The following PRPS2 variants were observed in gnomAD, a reference collection of about 807,000 sequenced individuals.
The protein encoded by PRPS2 is phosphoribosyl pyrophosphate synthetase 2.
For missense variants in PRPS2, 104 were observed against 271.5 expected (o/e 0.38, Z 4.34); for synonymous variants, 111 against 115.3 (o/e 0.96, Z 0.24).
chrX:12,817,739 C>T (rs1353647106), intron 4 of PRPS2, among the ~76,000 whole-genome samples: 1 of 111,948 alleles, frequency 8.9e-6, no homozygotes, highest in Non-Finnish European at 1.9e-5. Context: ...AGATGAAGTA[C>T]TCATCTATGC....
chrX:12,812,808 TC>T (rs1437267671), intron 4 of PRPS2, among the ~76,000 whole-genome samples: 1 of 111,156 alleles, frequency 9.0e-6, no homozygotes, highest in African/African-American at 3.3e-5. Flanking sequence ...CCCATTTACT[TC>T]CCCCCACCTT....
At chrX:12,814,023 A>G (rs914572768) in intron 4 of PRPS2, among the ~76,000 whole-genome samples, 1 of 107,509 alleles carries the variant, frequency 9.3e-6, no homozygotes, top group Non-Finnish European at 1.9e-5. Flanking sequence ...CTTCCATCTG[A>G]AATTTATTTT....
intron 4 of PRPS2, among the ~76,000 whole-genome samples, chrX:12,810,864 A>AAAG (rs1491276156): frequency 2.8e-4 from 30 of 105,923 alleles, no homozygotes; most frequent in African/African-American, 1.0e-3. Context: ...AAAAAAAAAA[A>AAAG]GAAGAAGAAG....
intron 4 of PRPS2, among the ~76,000 whole-genome samples, chrX:12,814,393 A>G (rs1261562239): frequency 2.7e-5 from 3 of 111,925 alleles, no homozygotes; most frequent in Non-Finnish European, 5.6e-5. Flanking sequence ...TGTTTCTGCT[A>G]CACATTATTG....
chrX:12,822,615 T>C (rs960133316), intron 6 of PRPS2, 89 bp from the exon 7 acceptor site: 14 of 862,961 alleles, frequency 1.6e-5, no homozygotes, highest in Non-Finnish European at 2.4e-5. Context: ...AGAAATTGTT[T>C]CTCAGCTTTC....
intron 4 of PRPS2, among the ~76,000 whole-genome samples, chrX:12,814,063 C>A (rs1042348900): frequency 4.3e-5 from 2 of 46,095 alleles, no homozygotes; most frequent in African/African-American, 8.9e-5. Flanking sequence ...GAATCCAGCC[C>A]CCCCACCCCC....
At chrX:12,799,770 T>TA (rs1158361378) in intron 2 of PRPS2, among the ~76,000 whole-genome samples, 1 of 111,724 alleles carries the variant, frequency 9.0e-6, no homozygotes, top group Non-Finnish European at 1.9e-5. Flanking sequence ...CTGGCTGTGA[T>TA]ACTGTGTTAT....
chrX:12,811,435 AAG>A (rs1368003790), intron 4 of PRPS2, among the ~76,000 whole-genome samples: 1 of 111,434 alleles, frequency 9.0e-6, no homozygotes, highest in East Asian at 2.8e-4. Context: ...TGAGCACAAT[AAG>A]AGAATGCTGC....
chrX:12,797,061 T>C (rs754834013), intron 1 of PRPS2, among the ~76,000 whole-genome samples: 2 of 110,095 alleles, frequency 1.8e-5, no homozygotes, highest in South Asian at 3.9e-4. Flanking sequence ...ATGTATTACA[T>C]GCTCAAAAAA....
intron 4 of PRPS2, 123 bp downstream of exon 4, chrX:12,810,269 A>G (rs2042617123): frequency 1.1e-6 from 1 of 909,438 alleles, no homozygotes; most frequent in Non-Finnish European, 1.5e-6. Context: ...ATGAGCAAGT[A>G]AGTAGACCGC....
chrX:12,801,725 C>T (rs997568717), intron 2 of PRPS2, among the ~76,000 whole-genome samples: 1 of 112,449 alleles, frequency 8.9e-6, no homozygotes, highest in South Asian at 3.7e-4. Context: ...CCTCCTACCT[C>T]AGCCTCCCGA....
intron 2 of PRPS2, among the ~76,000 whole-genome samples, chrX:12,805,903 TC>T (rs2042591425): frequency 9.0e-6 from 1 of 111,527 alleles, no homozygotes; most frequent in South Asian, 3.7e-4. Context: ...TGAAACCCCA[TC>T]TCTACTAAAA....
rs181525401 is a variant in PRPS2 at position 12,821,468 on chromosome X, C to T, written c.864+665C>T. Among the ~76,000 whole-genome samples the T allele has an allele frequency of 4.6e-3, 507 of 109,040 alleles. 3 individuals carry two copies. Among genetic ancestry groups the T allele is most frequent in the African/African-American group, 0.013 (387 of 29,864 alleles). 94.7% of individuals were successfully genotyped at this position (109,040 alleles called of 115,157 possible). On this transcript the variant is annotated intron_variant, in intron 6 of 6. Coordinates refer to ENST00000380668, the MANE Select transcript of PRPS2 (RefSeq NM_002765.5). Reference sequence around the variant, plus strand: ...TCTGGGGGTGGGGGGGGCAGTGGGGCGTTATCTATCATTTAATGACTATAT... The same window carrying T: ...TCTGGGGGTGGGGGGGGCAGTGGGGTGTTATCTATCATTTAATGACTATAT...
chrX:12,799,537 G>C (rs1416315830), intron 2 of PRPS2, 147 bp downstream of exon 2: 4 of 683,705 alleles, frequency 5.9e-6, no homozygotes, highest in Non-Finnish European at 8.4e-6. Flanking sequence ...TTTGTTTGTT[G>C]AAGATTTGGC....
intron 4 of PRPS2, among the ~76,000 whole-genome samples, chrX:12,817,542 C>G (rs1178867359): frequency 9.3e-6 from 1 of 107,531 alleles, no homozygotes; most frequent in African/African-American, 3.4e-5. Context: ...CCAGCAATTC[C>G]ACTCTGAGGT....
chrX:12,813,919 G>A (rs1180625152), intron 4 of PRPS2, among the ~76,000 whole-genome samples: 1 of 110,508 alleles, frequency 9.0e-6, no homozygotes, highest in South Asian at 3.8e-4. Context: ...TTCACATTAT[G>A]GCTTCTGAGT....
intron 4 of PRPS2, among the ~76,000 whole-genome samples, chrX:12,815,124 C>A (rs1165179093): frequency 8.9e-6 from 1 of 112,540 alleles, no homozygotes; most frequent in Non-Finnish European, 1.9e-5. Flanking sequence ...ATAGCTTTTT[C>A]AGGAAATCAT....
chrX:12,817,876 G>T (rs1186491888), intron 4 of PRPS2, among the ~76,000 whole-genome samples: 1 of 111,087 alleles, frequency 9.0e-6, no homozygotes, highest in East Asian at 2.8e-4. Flanking sequence ...TTCATGCTTG[G>T]CAGGGCCTGG....
intron 2 of PRPS2, among the ~76,000 whole-genome samples, chrX:12,807,490 T>C (rs538648632): frequency 2.7e-5 from 3 of 112,663 alleles, no homozygotes; most frequent in African/African-American, 9.7e-5. Flanking sequence ...ACTGATTTGC[T>C]CTTTTTATTA....
Sources: allele counts gnomAD v4.1 joint callset (sites outside exome capture counted in the v4.1 genomes callset), GRCh38; gene constraint gnomAD v4.1.1; transcripts MANE v1.5; gene names NCBI Gene and HGNC (gene_info 2026-07-23, HGNC 2026-07-21).